Variants in TNS3 observed in about 807,000 individuals in gnomAD.
TNS3 encodes tensin-3.
In TNS3, 45 loss-of-function variants were observed where a neutral mutation model predicts 140.9. That is an observed-to-expected ratio of 0.32 (90% confidence interval 0.25 to 0.41). The LOEUF (loss-of-function observed/expected upper bound fraction) is 0.41. TNS3 is among the 10% of genes least tolerant of loss of function. TNS3 has a pLI of 1.00. For synonymous variants in TNS3, 815 were observed against 788.4 expected, an observed-to-expected ratio of 1.03 and a Z score of -0.56; for missense variants, 1,716 against 1,906.7, an observed-to-expected ratio of 0.90 and a Z score of 1.86.
intron 20 of TNS3, among the ~76,000 whole-genome samples, chr7:47,326,401 T>A (rs1304572406): frequency 3.3e-5 from 5 of 152,180 alleles, no homozygotes; most frequent in African/African-American, 1.2e-4. Context: ...CAGCAGGGTC[T>A]GAGTCAGAAC....
intron 12 of TNS3, among the ~76,000 whole-genome samples, chr7:47,413,057 A>T: frequency 6.6e-6 from 1 of 151,554 alleles, no homozygotes; most frequent in Middle Eastern, 3.5e-3. Flanking sequence ...AGGTTCAAGC[A>T]ATTCTCCTGC....
chr7:47,470,971 G>A (rs1796929358), intron 4 of TNS3, among the ~76,000 whole-genome samples: 1 of 151,466 alleles, frequency 6.6e-6, no homozygotes, highest in South Asian at 2.1e-4. Flanking sequence ...ATGTGTTGAA[G>A]GTTTTTCGTC....
At chr7:47,409,507 C>T (rs868104691) in intron 13 of TNS3, among the ~76,000 whole-genome samples, 1 of 152,134 alleles carries the variant, frequency 6.6e-6, no homozygotes, top group Non-Finnish European at 1.5e-5. Context: ...GGGACGGAGC[C>T]GTGGGGCAAT....
intron 2 of TNS3, among the ~76,000 whole-genome samples, chr7:47,525,864 C>T (rs150756847): frequency 3.9e-5 from 6 of 152,224 alleles, no homozygotes; most frequent in South Asian, 2.1e-4. Context: ...ATATTTCACA[C>T]GCCACATATT....
intron 1 of TNS3, among the ~76,000 whole-genome samples, chr7:47,538,101 AG>A (rs1330811392): frequency 6.6e-6 from 1 of 152,094 alleles, no homozygotes; most frequent in African/African-American, 2.4e-5. Context: ...TGAAGATGAC[AG>A]GGTGATGGGA....
intron 14 of TNS3, 49 bp from the exon 15 acceptor site, chr7:47,400,507 A>G (rs1346381997): frequency 1.3e-6 from 2 of 1,581,406 alleles, no homozygotes; most frequent in Admixed American, 3.3e-5. Flanking sequence ...AATTAACCGG[A>G]AAAGTATGGA....
chr7:47,300,432 C>G (rs1408205655), intron 23 of TNS3, among the ~76,000 whole-genome samples: 1 of 152,254 alleles, frequency 6.6e-6, no homozygotes, highest in Admixed American at 6.5e-5. Flanking sequence ...CCTACACATA[C>G]TGCACATCCA....
intron 2 of TNS3, among the ~76,000 whole-genome samples, chr7:47,524,920 C>T (rs933260666): frequency 6.6e-6 from 1 of 150,796 alleles, no homozygotes. Context: ...ATAAACCAGG[C>T]GTGAGAAGAG....
At chr7:47,340,267 C>T (rs1408469846) in intron 20 of TNS3, among the ~76,000 whole-genome samples, 1 of 150,656 alleles carries the variant, frequency 6.6e-6, no homozygotes, top group Non-Finnish European at 1.5e-5. Flanking sequence ...GGATTACAGG[C>T]ACGCACTGCC....
intron 1 of TNS3, among the ~76,000 whole-genome samples, chr7:47,580,151 T>G (rs956378329): frequency 6.6e-6 from 1 of 152,202 alleles, no homozygotes; most frequent in Non-Finnish European, 1.5e-5. Flanking sequence ...TGTCTGGACA[T>G]GCATTAGAAT....
At chr7:47,420,231 A>G (rs1432941345) in intron 10 of TNS3, among the ~76,000 whole-genome samples, 1 of 152,218 alleles carries the variant, frequency 6.6e-6, no homozygotes, top group Non-Finnish European at 1.5e-5. Flanking sequence ...TTAGACAGGC[A>G]TGAGCAGGGC....
intron 1 of TNS3, among the ~76,000 whole-genome samples, chr7:47,577,850 G>C (rs1184226230): frequency 2.0e-5 from 3 of 152,170 alleles, no homozygotes; most frequent in South Asian, 2.1e-4. Context: ...GACAGGGACA[G>C]AGAGGTCTCT....
intron 27 of TNS3, among the ~76,000 whole-genome samples, chr7:47,286,941 G>C (rs1055804798): frequency 1.3e-5 from 2 of 152,158 alleles, no homozygotes; most frequent in Admixed American, 6.5e-5. Context: ...GATTGGATCT[G>C]CTTGACATCA....
intron 20 of TNS3, among the ~76,000 whole-genome samples, chr7:47,331,788 C>A (rs1403107060): frequency 6.6e-6 from 1 of 152,194 alleles, no homozygotes; most frequent in African/African-American, 2.4e-5. Context: ...TACCTGCACA[C>A]ATAACACACA....
chr7:47,415,498 CCAGGCCA>C lies in TNS3; in HGVS notation c.474-299_474-293del, dbSNP rs570988554. ...CCACTGAACCTATCGCCAGGCAAAG[CCAGGCCA>C]CAGGCCACAGGCCATCACAATCCCC... On this transcript the variant is annotated intron_variant, in intron 10 of 30. Coordinates refer to ENST00000311160, the MANE Select transcript of TNS3 (RefSeq NM_022748.12). 9.8e-5 allele frequency among the ~76,000 whole-genome samples: 15 copies of C among 152,370 alleles called. No individual in the cohort carries two copies. In the South Asian group the frequency reaches 2.5e-3, roughly 25 times the overall value.
intron 20 of TNS3, among the ~76,000 whole-genome samples, chr7:47,307,683 T>C (rs919570677): frequency 2.6e-5 from 4 of 152,254 alleles, no homozygotes; most frequent in African/African-American, 9.6e-5. Context: ...AATTTGCAAC[T>C]TTATTAATTA....
At chr7:47,344,730 T>C (rs773140656) in intron 20 of TNS3, 25 bp downstream of exon 20, 120 of 1,603,634 alleles carry the variant, frequency 7.5e-5, no homozygotes, top group South Asian at 7.0e-4. Flanking sequence ...GCCGCGCGCC[T>C]GTGACCCGCG....
chr7:47,281,495 C>T (rs1785142297), intron 28 of TNS3, among the ~76,000 whole-genome samples: 2 of 152,236 alleles, frequency 1.3e-5, no homozygotes, highest in African/African-American at 4.8e-5. Flanking sequence ...AGGAGATAGG[C>T]TAGGGCAGAG....
At chr7:47,493,346 A>C (rs1357893121) in intron 3 of TNS3, among the ~76,000 whole-genome samples, 1 of 152,188 alleles carries the variant, frequency 6.6e-6, no homozygotes. Context: ...TTGCCTTCGA[A>C]ATTCAGTTTA....
Sources: allele counts gnomAD v4.1 joint callset (sites outside exome capture counted in the v4.1 genomes callset), GRCh38; gene constraint gnomAD v4.1.1; transcripts MANE v1.5; gene names NCBI Gene and HGNC (gene_info 2026-07-23, HGNC 2026-07-21).